The following NKIRAS1 variants were observed in gnomAD, a reference collection of about 807,000 sequenced individuals.
NKIRAS1 encodes the protein NF-kappa-B inhibitor-interacting Ras-like protein 1.
Under a neutral mutation model 19.8 loss-of-function variants are expected in NKIRAS1, and 16 were observed. The ratio of observed to expected loss-of-function variants is 0.81; its 90% CI spans 0.55 to 1.23. The LOEUF (loss-of-function observed/expected upper bound fraction) is 1.23. Among genes scored for constraint, NKIRAS1 ranks in the 50% most tolerant of loss-of-function variants. NKIRAS1 has a pLI of 0.00. For synonymous variants in NKIRAS1, 88 were observed against 79.0 expected (o/e 1.11, Z -0.61); for missense variants, 184 against 220.0 (o/e 0.84, Z 1.04).
At chr3:23,906,970 G>A (rs1483150294) in intron 3 of NKIRAS1, among the ~76,000 whole-genome samples, 3 of 151,902 alleles carry the variant, frequency 2.0e-5, no homozygotes, top group East Asian at 1.9e-4. Context: ...CTTGGCTCAC[G>A]ATAAACTCTG....
chr3:23,919,507 G>A (rs781162815), upstream of NKIRAS1: 1 of 1,553,642 alleles, frequency 6.4e-7, no homozygotes, highest in East Asian at 2.3e-5. Flanking sequence ...GCTAATATAA[G>A]TAAAGTTTGT....
intron 1 of NKIRAS1, chr3:23,946,120 T>C (rs1469482422): frequency 1.0e-6 from 1 of 984,298 alleles, no homozygotes; most frequent in African/African-American, 1.8e-5. Flanking sequence ...TCGCCGCGAT[T>C]CCCTCCTCCC....
intron 1 of NKIRAS1, among the ~76,000 whole-genome samples, chr3:23,938,981 G>A (rs2125270500): frequency 6.6e-6 from 1 of 152,302 alleles, no homozygotes; most frequent in Non-Finnish European, 1.5e-5. Flanking sequence ...ACCCCCTGCT[G>A]TTTCAGCTCC....
rs561849691 is a variant in NKIRAS1, at chr3:23,946,030, G to GGCGCGC, written c.-140+287_-140+292dup. 16 of 845,204 alleles carry GGCGCGC rather than the reference G, an allele frequency of 1.9e-5. No homozygotes were observed. In the South Asian group the frequency reaches 4.8e-4, roughly 26 times the overall value. The allele number at this position is 845,204 out of a possible 1,614,324, so 52.4% of individuals were successfully genotyped here. On this transcript the variant is annotated intron_variant, in intron 1 of 4. Transcript: ENST00000421515. ...GGCCGCAGGGACACGTGGGGGCGGGGGCGCGCGCGCGCGCGCTGGCTGGGA... is the reference window on the plus strand; with the variant it reads ...GGCCGCAGGGACACGTGGGGGCGGGGGCGCGCGCGCGCGCGCGCGCGCTGGCTGGGA...
At chr3:23,923,998 A>C (rs982894719) in intron 1 of NKIRAS1, 1 of 152,202 alleles carries the variant, frequency 6.6e-6, no homozygotes, top group Non-Finnish European at 1.5e-5. Context: ...CCTCTCATGC[A>C]TTTAGGTTGG....
At chr3:23,917,770 T>TG (rs1704729541), upstream of NKIRAS1, 1 of 1,391,494 alleles carries the variant, frequency 7.2e-7, no homozygotes, top group Non-Finnish European at 9.8e-7. Flanking sequence ...TTGTTTTTGT[T>TG]GGGGAACTAA....
At chr3:23,909,509 A>C (rs1052123779) in intron 3 of NKIRAS1, among the ~76,000 whole-genome samples, 1 of 152,212 alleles carries the variant, frequency 6.6e-6, no homozygotes. Context: ...CCTGGGAGAC[A>C]GGGTGAGACT....
At chr3:23,928,797 G>T (rs1453040254) in intron 1 of NKIRAS1, among the ~76,000 whole-genome samples, 1 of 151,114 alleles carries the variant, frequency 6.6e-6, no homozygotes, top group African/African-American at 2.4e-5. Flanking sequence ...TACAAGACCT[G>T]CCTAGGCAAC....
At chr3:23,934,311 C>T (rs1283197493) in intron 1 of NKIRAS1, among the ~76,000 whole-genome samples, 3 of 152,098 alleles carry the variant, frequency 2.0e-5, no homozygotes, top group Non-Finnish European at 4.4e-5. Flanking sequence ...AAACCAAAAC[C>T]AAAAGCCAAA....
chr3:23,934,588 A>G (rs1372954728), intron 1 of NKIRAS1, among the ~76,000 whole-genome samples: 1 of 152,180 alleles, frequency 6.6e-6, no homozygotes, highest in Admixed American at 6.5e-5. Flanking sequence ...GTCTCATTAT[A>G]CAGTGCCTTC....
chr3:23,921,571 T>G (rs1307311869), upstream of NKIRAS1: 4 of 129,762 alleles, frequency 3.1e-5, no homozygotes, highest in South Asian at 1.5e-4. Flanking sequence ...GATTATTGAG[T>G]TTTTTTTTTT....
rs1575127886 is a variant in NKIRAS1 at position 23,926,089 on chromosome 3, C to T, written c.-139-14639G>A. Reference sequence around the variant, plus strand: ...TTTTTGAGACAGCGTCTTGCTCTGTCGCCCAGGCTGGAGTGCAGTGGCACA... The same window carrying T: ...TTTTTGAGACAGCGTCTTGCTCTGTTGCCCAGGCTGGAGTGCAGTGGCACA... On this transcript the variant is annotated intron_variant, in intron 1 of 4. Coordinates refer to the NKIRAS1 transcript ENST00000421515. This position sits in a 1 kb window ranked among gnomAD's most constrained non-coding sequence, Gnocchi z 4.3. Among the ~76,000 whole-genome samples, 2 of 152,118 alleles carry T rather than the reference C, an allele frequency of 1.3e-5. No homozygotes were observed. Among genetic ancestry groups the T allele is most frequent in the African/African-American group, 2.4e-5 (1 of 41,418 alleles).
At chr3:23,920,891 T>G (rs1705043329), upstream of NKIRAS1, 1 of 556,484 alleles carries the variant, frequency 1.8e-6, no homozygotes. Flanking sequence ...GCTAATGTAC[T>G]TTAAAGCAAA....
At chr3:23,912,436 A>G (rs992638500) in intron 1 of NKIRAS1, among the ~76,000 whole-genome samples, 2 of 152,228 alleles carry the variant, frequency 1.3e-5, no homozygotes, top group African/African-American at 4.8e-5. Flanking sequence ...AGACACATGA[A>G]AAAATGCTCA....
chr3:23,917,962 G>A (rs1199176508), upstream of NKIRAS1: 39 of 1,613,812 alleles, frequency 2.4e-5, no homozygotes, highest in Non-Finnish European at 3.3e-5. Flanking sequence ...CCAGCTCTCT[G>A]CTCTCCACAG....
intron 3 of NKIRAS1, among the ~76,000 whole-genome samples, chr3:23,906,158 CAAAAAAAA>C (rs377092022): frequency 1.5e-4 from 15 of 98,842 alleles, no homozygotes. Flanking sequence ...GACTCCGTCT[CAAAAAAAA>C]AAAAAAAAAA....
intron 1 of NKIRAS1, chr3:23,945,504 G>C: frequency 2.1e-6 from 2 of 937,362 alleles, no homozygotes; most frequent in Non-Finnish European, 2.6e-6. Flanking sequence ...GGGGCGGCGC[G>C]GCGCTGAGGC....
At chr3:23,905,239 T>TA (rs1199257306) in intron 3 of NKIRAS1, among the ~76,000 whole-genome samples, 2 of 152,166 alleles carry the variant, frequency 1.3e-5, no homozygotes, top group Non-Finnish European at 2.9e-5. Context: ...GTGACACACA[T>TA]ATGTGGCAAT....
upstream of NKIRAS1, chr3:23,917,692 A>G (rs1447321733): frequency 3.0e-6 from 2 of 675,046 alleles, no homozygotes; most frequent in Non-Finnish European, 4.9e-6. Context: ...CCGTGGGCGC[A>G]GTGGTGGGGG....
Sources: allele counts gnomAD v4.1 joint callset (sites outside exome capture counted in the v4.1 genomes callset), GRCh38; gene constraint gnomAD v4.1.1; non-coding constraint Gnocchi (gnomAD v3.1); transcripts MANE v1.5; gene names NCBI Gene and HGNC (gene_info 2026-07-23, HGNC 2026-07-21).